Variants in RIPOR2 observed in about 807,000 individuals in gnomAD.
The protein encoded by RIPOR2 is rho family-interacting cell polarization regulator 2.
Under a neutral mutation model 114.5 loss-of-function variants are expected in RIPOR2, and 39 were observed. The observed-to-expected ratio is 0.34, with a 90% CI of 0.26 to 0.44. RIPOR2 has a LOEUF of 0.44. Ranked by LOEUF, RIPOR2 falls within the 20% of genes least tolerant of loss-of-function variation. The pLI is 1.00. For missense variants in RIPOR2, 1,007 were observed against 1,255.1 expected (o/e 0.80, Z 2.99); for synonymous variants, 445 against 484.4 (o/e 0.92, Z 1.07).
intron 3 of RIPOR2, 81 bp from the exon 4 acceptor site, chr6:24,873,040 C>T (rs1224866718): frequency 1.1e-6 from 1 of 924,546 alleles, no homozygotes; most frequent in Admixed American, 1.8e-5. Context: ...TTTTCCTTCT[C>T]AAAGGGGATT....
At position 25,025,103 on chromosome 6, in the gene RIPOR2, G is replaced by A. The variant is rs139456396; in HGVS notation, c.76+16748C>T. Among the ~76,000 whole-genome samples the A allele has an allele frequency of 4.9e-4, 74 of 152,260 alleles. 1 individual carries two copies. The East Asian group carries it at 0.014, about 29-fold the overall frequency. Reference sequence around the variant, plus strand: ...GAAGAAGAGTCAAGAAAAAAAGAGAGGACAGAGTTTGATATGTAGCGGTCT... The same window carrying A: ...GAAGAAGAGTCAAGAAAAAAAGAGAAGACAGAGTTTGATATGTAGCGGTCT... On this transcript the variant is annotated intron_variant, in intron 1 of 13. Transcript: ENST00000510784.
chr6:25,005,692 GAGATATATAT>G (rs2113661764), intron 1 of RIPOR2, among the ~76,000 whole-genome samples: 1 of 45,594 alleles, frequency 2.2e-5, no homozygotes, highest in African/African-American at 5.9e-5. Flanking sequence ...AATCCCTATG[GAGATATATAT>G]ATATATATAT....
Position 24,839,139 on chromosome 6 carries a change from C to T in RIPOR2, c.1991G>A (p.Gly664Asp). 4.5e-6 allele frequency: 7 copies of T among 1,551,674 alleles called. No individual in the cohort carries two copies. Among genetic ancestry groups the T allele is most frequent in the Non-Finnish European group, 6.1e-6 (7 of 1,146,972 alleles). ...TGAAAATACTGAGTCAGCACCTCCGCCAACATTACAAACCTCATCACCATC... is the reference window on the plus strand; with the variant it reads ...TGAAAATACTGAGTCAGCACCTCCGTCAACATTACAAACCTCATCACCATC... ...EEDGDEVCNV[G>D]GGADSVFSDT... The change falls in exon 14 of 22, where the codon GGC becomes GAC. Residue 664 changes from glycine to aspartate, a missense_variant. By Grantham distance (94) the Gly-to-Asp change is moderately conservative. Transcript: ENST00000643898.
intron 1 of RIPOR2, among the ~76,000 whole-genome samples, chr6:25,005,854 C>T (rs1278529834): frequency 6.6e-6 from 1 of 151,116 alleles, no homozygotes; most frequent in Non-Finnish European, 1.5e-5. Flanking sequence ...TACAATAGTG[C>T]TCTCCTGCCA....
At chr6:25,024,568 T>C (rs1010709046) in intron 1 of RIPOR2, 1 of 546,612 alleles carries the variant, frequency 1.8e-6, no homozygotes, top group Non-Finnish European at 3.3e-6. Flanking sequence ...CAGGCAGCAG[T>C]GGCAGGCGAC....
At chr6:24,902,609 T>G (rs947505027) in intron 1 of RIPOR2, among the ~76,000 whole-genome samples, 2 of 152,198 alleles carry the variant, frequency 1.3e-5, no homozygotes, top group Non-Finnish European at 2.9e-5. Context: ...CTTGCTACAT[T>G]GAGACAGCTC....
At chr6:24,941,238 T>A (rs1266475463) in intron 1 of RIPOR2, among the ~76,000 whole-genome samples, 5 of 152,180 alleles carry the variant, frequency 3.3e-5, no homozygotes, top group Admixed American at 1.3e-4. Context: ...AATCCATTCC[T>A]TCCACTTACG....
chr6:24,925,963 A>G (rs1035577694), intron 1 of RIPOR2, among the ~76,000 whole-genome samples: 8 of 152,362 alleles, frequency 5.3e-5, no homozygotes, highest in African/African-American at 1.9e-4. Context: ...AAATACACAT[A>G]AACAGCTTAT....
intron 5 of RIPOR2, 144 bp downstream of exon 5, chr6:24,870,722 C>G: frequency 1.7e-6 from 1 of 578,628 alleles, no homozygotes. Context: ...CCACATTGCC[C>G]AGGCAGGTCT....
intron 19 of RIPOR2, among the ~76,000 whole-genome samples, chr6:24,820,487 CA>C (rs1297665493): frequency 6.6e-6 from 1 of 152,150 alleles, no homozygotes; most frequent in Non-Finnish European, 1.5e-5. Flanking sequence ...TTCATTACCC[CA>C]AAAAGAAATC....
intron 3 of RIPOR2, 85 bp downstream of exon 3, chr6:24,873,559 A>G (rs545018743): frequency 9.1e-6 from 11 of 1,215,052 alleles, no homozygotes; most frequent in African/African-American, 4.6e-5. Flanking sequence ...AGAAATAGAC[A>G]TCTGAAAAAT....
At chr6:24,906,281 G>A (rs1397154352) in intron 1 of RIPOR2, among the ~76,000 whole-genome samples, 9 of 152,164 alleles carry the variant, frequency 5.9e-5, no homozygotes, top group Admixed American at 2.6e-4. Context: ...CAAGGATATA[G>A]GAACAAGCAA....
chr6:24,980,081 A>G (rs1561822699), intron 1 of RIPOR2, among the ~76,000 whole-genome samples: 1 of 152,250 alleles, frequency 6.6e-6, no homozygotes, highest in Non-Finnish European at 1.5e-5. Flanking sequence ...AGGATGCATT[A>G]AAGAATCTCA....
intron 1 of RIPOR2, among the ~76,000 whole-genome samples, chr6:25,029,234 G>A (rs1395975495): frequency 6.6e-6 from 1 of 151,798 alleles, no homozygotes; most frequent in Non-Finnish European, 1.5e-5. Context: ...GTTGCAGTGA[G>A]CCGAGATCGC....
At chr6:24,958,280 G>A (rs943932707) in intron 1 of RIPOR2, among the ~76,000 whole-genome samples, 33 of 152,028 alleles carry the variant, frequency 2.2e-4, no homozygotes, top group Non-Finnish European at 3.8e-4. Context: ...ATTTGCATAT[G>A]CACCTTAATT....
intron 1 of RIPOR2, among the ~76,000 whole-genome samples, chr6:24,928,152 G>T (rs1228977526): frequency 2.6e-5 from 4 of 151,996 alleles, no homozygotes; most frequent in Non-Finnish European, 5.9e-5. Context: ...GATTAATAGG[G>T]GTGTGAGTCA....
rs146779340 is a variant in RIPOR2 at position 25,030,160 on chromosome 6, G to A, written c.76+11691C>T. On this transcript the variant is annotated intron_variant, in intron 1 of 13. Coordinates refer to the RIPOR2 transcript ENST00000510784. Reference sequence around the variant, plus strand: ...AGCCTGGCTGCAGGTCTTAAATGGGGGGAAAAGATCTCTGTTTTCTGTACA... The same window carrying A: ...AGCCTGGCTGCAGGTCTTAAATGGGAGGAAAAGATCTCTGTTTTCTGTACA... Among the ~76,000 whole-genome samples the A allele has an allele frequency of 1.9e-3, 296 of 152,014 alleles. 3 individuals carry two copies. Among genetic ancestry groups the A allele is most frequent in the East Asian group, 0.017 (90 of 5,172 alleles).
At chr6:24,877,771 A>G (rs1469028498) in intron 1 of RIPOR2, among the ~76,000 whole-genome samples, 2 of 152,176 alleles carry the variant, frequency 1.3e-5, no homozygotes, top group East Asian at 3.8e-4. Context: ...AGGAGTTCTT[A>G]TTCCTGAAGC....
At chr6:24,875,544 A>T in intron 2 of RIPOR2, 147 bp downstream of exon 2, 2 of 716,092 alleles carry the variant, frequency 2.8e-6, no homozygotes, top group South Asian at 3.8e-5. Flanking sequence ...CTTAATTTTT[A>T]GTACATCCTT....
Sources: gnomAD v4.1 joint callset for allele counts (sites outside exome capture counted in the v4.1 genomes callset) on GRCh38, gnomAD v4.1.1 for gene constraint, MANE v1.5 for transcripts, NCBI Gene and HGNC (gene_info 2026-07-23, HGNC 2026-07-21) for gene names.